The following RELN variants were observed in gnomAD, a reference collection of about 807,000 sequenced individuals.
The protein encoded by RELN is reelin.
RELN carries 108 observed loss-of-function variants against 427.6 expected under a neutral mutation model. The ratio of observed to expected loss-of-function variants is 0.25; its 90% confidence interval spans 0.22 to 0.30. The LOEUF (loss-of-function observed/expected upper bound fraction) is 0.30, where lower values mean the gene tolerates loss of function less well. RELN is among the 10% of genes least tolerant of loss of function. The pLI, the probability that RELN is intolerant of heterozygous loss-of-function variation, is 1.00. For missense variants in RELN, 3,715 were observed against 4,302.8 expected (o/e 0.86, Z 3.82); for synonymous variants, 1,524 against 1,513.4 (o/e 1.01, Z -0.16).
At position 103,534,203 on chromosome 7, in the gene RELN, C is replaced by A. The variant is rs559239003; in HGVS notation, c.7349+1113G>T. On this transcript the variant is annotated intron_variant, in intron 46 of 64. Transcript: ENST00000428762. ...GGGAAGATGACAAAACAATAATAAGCCCAAACTATAACTCCTGTTCCACAC... is the reference window on the plus strand; with the variant it reads ...GGGAAGATGACAAAACAATAATAAGACCAAACTATAACTCCTGTTCCACAC... Among the ~76,000 whole-genome samples the A allele has an allele frequency of 7.9e-5, 12 of 152,258 alleles. No homozygotes were observed. The South Asian group carries it at 2.3e-3, about 29-fold the overall frequency.
At chr7:103,612,102 C>T (rs1194701177) in intron 20 of RELN, among the ~76,000 whole-genome samples, 1 of 152,068 alleles carries the variant, frequency 6.6e-6, no homozygotes, top group African/African-American at 2.4e-5. Context: ...TTCTTGAAAT[C>T]TATCCTGAGA....
chr7:103,671,090 G>C (rs1562949806), intron 11 of RELN, among the ~76,000 whole-genome samples: 1 of 152,028 alleles, frequency 6.6e-6, no homozygotes, highest in African/African-American at 2.4e-5. Context: ...TTTAATAAGG[G>C]ATGTGCCATA....
At chr7:103,731,291 A>G (rs1354988827) in intron 6 of RELN, among the ~76,000 whole-genome samples, 3 of 152,112 alleles carry the variant, frequency 2.0e-5, no homozygotes, top group African/African-American at 7.2e-5. Context: ...TGCAGAAATT[A>G]TGACACACAG....
intron 20 of RELN, among the ~76,000 whole-genome samples, chr7:103,621,966 A>C (rs1231860859): frequency 6.6e-6 from 1 of 152,208 alleles, no homozygotes; most frequent in Non-Finnish European, 1.5e-5. Context: ...TAGTGAGCTG[A>C]GATCGTGACA....
intron 41 of RELN, among the ~76,000 whole-genome samples, chr7:103,547,100 T>C (rs1274446429): frequency 6.6e-6 from 1 of 152,214 alleles, no homozygotes; most frequent in Admixed American, 6.5e-5. Context: ...AGATGACATG[T>C]GCACTTATTT....
chr7:103,654,921 C>T (rs1832994301), intron 12 of RELN, among the ~76,000 whole-genome samples: 2 of 152,016 alleles, frequency 1.3e-5, no homozygotes, highest in African/African-American at 4.8e-5. Flanking sequence ...GCCAGGGGTA[C>T]ATGTATGTCT....
At chr7:103,982,708 T>C (rs1797017407) in intron 1 of RELN, among the ~76,000 whole-genome samples, 2 of 152,112 alleles carry the variant, frequency 1.3e-5, no homozygotes. Flanking sequence ...TAAGGTGACC[T>C]TAGTCCTTAT....
At chr7:103,515,564 A>C in intron 49 of RELN, 123 bp from the exon 50 acceptor site, 1 of 1,281,312 alleles carries the variant, frequency 7.8e-7, no homozygotes, top group South Asian at 1.4e-5. Context: ...GAAGGACATA[A>C]GCTAAAATAA....
chr7:103,482,719 C>G, intron 63 of RELN, 154 bp downstream of exon 63: 1 of 1,491,262 alleles, frequency 6.7e-7, no homozygotes, highest in South Asian at 1.2e-5. Flanking sequence ...ATGATTTGAG[C>G]TATAGCTTGC....
At chr7:103,825,150 A>G (rs1223149720) in intron 3 of RELN, among the ~76,000 whole-genome samples, 1 of 152,082 alleles carries the variant, frequency 6.6e-6, no homozygotes, top group Non-Finnish European at 1.5e-5. Context: ...AGACTAGCTA[A>G]TTTTTAATAT....
intron 8 of RELN, among the ~76,000 whole-genome samples, chr7:103,713,836 C>G (rs1789865862): frequency 6.6e-6 from 1 of 152,048 alleles, no homozygotes; most frequent in Admixed American, 6.6e-5. Context: ...ATCCAGATTA[C>G]CAATAGTTTG....
In RELN at chr7:103,968,530, C is replaced by T. The variant is rs1796701302; in HGVS notation, c.226+20601G>A. ...TATGAAAGAAATTGTAAAAGGTAAG[C>T]AAATGTAAAAAAGAAGAAATTAGAT... On this transcript the variant is annotated intron_variant, in intron 1 of 64. Transcript: ENST00000428762. This position sits in a 1 kb window ranked among gnomAD's most constrained non-coding sequence, Gnocchi z 4.3. Among the ~76,000 whole-genome samples the T allele has an allele frequency of 6.6e-6, 1 of 151,754 alleles. No individual in the cohort carries two copies. Among genetic ancestry groups the T allele is most frequent in the South Asian group, 2.1e-4 (1 of 4,806 alleles).
intron 1 of RELN, among the ~76,000 whole-genome samples, chr7:103,954,881 A>T (rs1024024663): frequency 6.6e-6 from 1 of 152,216 alleles, no homozygotes; most frequent in African/African-American, 2.4e-5. Flanking sequence ...GCTAATTTTT[A>T]AAAAACAGTA....
At chr7:103,552,617 C>T (rs905879436) in intron 40 of RELN, among the ~76,000 whole-genome samples, 1 of 151,500 alleles carries the variant, frequency 6.6e-6, no homozygotes, top group African/African-American at 2.4e-5. Context: ...ATTCCCCTGC[C>T]TCAGCCTCCT....
intron 3 of RELN, among the ~76,000 whole-genome samples, chr7:103,816,538 C>CAT (rs1425953164): frequency 1.3e-5 from 2 of 150,750 alleles, no homozygotes. Flanking sequence ...GAAACACACA[C>CAT]ACACACACAC....
intron 51 of RELN, among the ~76,000 whole-genome samples, chr7:103,508,011 A>G (rs1287059150): frequency 6.6e-6 from 1 of 152,238 alleles, no homozygotes; most frequent in Non-Finnish European, 1.5e-5. Context: ...GAATAGACCA[A>G]TAACAATTTC....
intron 2 of RELN, among the ~76,000 whole-genome samples, chr7:103,847,515 T>A (rs529957807): frequency 5.0e-4 from 76 of 152,260 alleles, no homozygotes; most frequent in African/African-American, 1.8e-3. Flanking sequence ...TGTACACCTA[T>A]GTAACAAACC....
At chr7:103,869,589 G>C (rs1490356062) in intron 2 of RELN, among the ~76,000 whole-genome samples, 2 of 152,056 alleles carry the variant, frequency 1.3e-5, no homozygotes, top group African/African-American at 2.4e-5. Flanking sequence ...GTGTCACCAA[G>C]TGTCCTGGCT....
At chr7:103,822,579 T>C (rs1422269188) in intron 3 of RELN, among the ~76,000 whole-genome samples, 2 of 152,074 alleles carry the variant, frequency 1.3e-5, no homozygotes, top group African/African-American at 4.8e-5. Context: ...TTTCCACTCA[T>C]GTAAGCATGT....
Sources: allele counts gnomAD v4.1 joint callset (sites outside exome capture counted in the v4.1 genomes callset), GRCh38; gene constraint gnomAD v4.1.1; non-coding constraint Gnocchi (gnomAD v3.1); transcripts MANE v1.5; gene names NCBI Gene and HGNC (gene_info 2026-07-23, HGNC 2026-07-21).